The following RAB28 variants were observed in gnomAD, a reference collection of about 807,000 sequenced individuals.
RAB28 encodes the protein RAB28, member RAS oncogene family, also known as ras-related protein Rab-28.
Under a neutral mutation model 31.7 loss-of-function variants are expected in RAB28, and 24 were observed. The observed-to-expected ratio is 0.76, with a 90% CI of 0.55 to 1.06. The LOEUF is 1.06. Among genes scored for constraint, RAB28 ranks in the 50% least tolerant of loss-of-function variants. RAB28 has a pLI of 0.00. For missense variants in RAB28, 254 were observed against 258.5 expected (o/e 0.98, Z 0.12); for synonymous variants, 100 against 90.4 (o/e 1.11, Z -0.60).
At chr4:13,427,243 C>T (rs1445981285) in intron 4 of RAB28, among the ~76,000 whole-genome samples, 3 of 152,196 alleles carry the variant, frequency 2.0e-5, no homozygotes, top group East Asian at 1.9e-4. Context: ...TATTTGAAGA[C>T]TTAAGGGCCT....
chr4:13,373,367 G>A (rs1728788929), intron 6 of RAB28, among the ~76,000 whole-genome samples: 1 of 152,168 alleles, frequency 6.6e-6, no homozygotes, highest in African/African-American at 2.4e-5. Flanking sequence ...TGGTAGTGGA[G>A]AAGGGGAAGA....
intron 4 of RAB28, among the ~76,000 whole-genome samples, chr4:13,383,840 T>C (rs925913195): frequency 5.8e-4 from 89 of 152,296 alleles, no homozygotes; most frequent in African/African-American, 2.0e-3. Flanking sequence ...AGGGGAACTG[T>C]CAGACCTGAA....
chr4:13,422,992 A>G (rs1166598177), intron 4 of RAB28, among the ~76,000 whole-genome samples: 1 of 152,200 alleles, frequency 6.6e-6, no homozygotes, highest in Non-Finnish European at 1.5e-5. Context: ...AAAAAAAATT[A>G]AACTCTAAGT....
At chr4:13,446,159 T>A (rs888371340) in intron 4 of RAB28, among the ~76,000 whole-genome samples, 1 of 152,152 alleles carries the variant, frequency 6.6e-6, no homozygotes, top group African/African-American at 2.4e-5. Flanking sequence ...CGAGTCTCCT[T>A]AGCACCGTCG....
chr4:13,481,945 C>T (rs894772579), intron 1 of RAB28, among the ~76,000 whole-genome samples: 3 of 151,914 alleles, frequency 2.0e-5, no homozygotes, highest in Non-Finnish European at 4.4e-5. Flanking sequence ...TTGGTGGCTG[C>T]CAAGTATTTG....
At position 13,420,093 on chromosome 4, in the gene RAB28, G is replaced by T. The variant is rs151190114; in HGVS notation, c.392-38499C>A. On this transcript the variant is annotated intron_variant, in intron 4 of 6. Coordinates refer to ENST00000330852, the MANE Select transcript of RAB28 (RefSeq NM_001017979.3). ...AGGGGATATCACCACAGATCCCACA[G>T]AAATATAAACTACCATCGGAGAATA... Among the ~76,000 whole-genome samples, 21 of 152,282 alleles carry T rather than the reference G, an allele frequency of 1.4e-4. No homozygotes were observed. The East Asian group carries it at 4.1e-3, about 29-fold the overall frequency.
At chr4:13,416,677 T>C (rs974485428) in intron 4 of RAB28, among the ~76,000 whole-genome samples, 2 of 152,204 alleles carry the variant, frequency 1.3e-5, no homozygotes, top group African/African-American at 4.8e-5. Flanking sequence ...CTTTCTGAAG[T>C]AATGGTAATA....
At chr4:13,460,584 T>C (rs1188633311) in intron 4 of RAB28, 115 bp downstream of exon 4, 1 of 1,325,288 alleles carries the variant, frequency 7.5e-7, no homozygotes, top group Admixed American at 1.9e-5. Context: ...CCAGACACCA[T>C]CATTTTGGGG....
At chr4:13,433,496 G>C (rs1434326645) in intron 4 of RAB28, among the ~76,000 whole-genome samples, 2 of 152,128 alleles carry the variant, frequency 1.3e-5, no homozygotes, top group Admixed American at 1.3e-4. Flanking sequence ...CTAAAAAGTA[G>C]GCAAAGCACA....
intron 3 of RAB28, among the ~76,000 whole-genome samples, chr4:13,461,840 C>G (rs1353347597): frequency 6.6e-6 from 1 of 152,136 alleles, no homozygotes; most frequent in Non-Finnish European, 1.5e-5. Flanking sequence ...TAGTAATCAA[C>G]TACTTTTGTG....
intron 4 of RAB28, among the ~76,000 whole-genome samples, chr4:13,444,122 G>T (rs1315451853): frequency 6.6e-6 from 1 of 151,666 alleles, no homozygotes; most frequent in Non-Finnish European, 1.5e-5. Flanking sequence ...CCGCCTCCCG[G>T]GTTCACGCCA....
At chr4:13,370,766 C>G in intron 6 of RAB28, 1 of 984,490 alleles carries the variant, frequency 1.0e-6, no homozygotes, top group Non-Finnish European at 1.2e-6. Flanking sequence ...AATGCAGTTG[C>G]AGGTCATGTA....
At chr4:13,393,180 A>C (rs926750660) in intron 4 of RAB28, among the ~76,000 whole-genome samples, 2 of 152,248 alleles carry the variant, frequency 1.3e-5, no homozygotes, top group Non-Finnish European at 2.9e-5. Context: ...GTACAGAGAC[A>C]GGAAACTTCT....
At chr4:13,415,106 C>T (rs1302921369) in intron 4 of RAB28, among the ~76,000 whole-genome samples, 4 of 152,176 alleles carry the variant, frequency 2.6e-5, no homozygotes, top group Non-Finnish European at 5.9e-5. Context: ...GAAGAAGAAT[C>T]ATCATTAATT....
rs541621588 is a variant in RAB28 at position 13,444,018 on chromosome 4, CT to C, written c.391+16680del. The stretch of plus-strand genomic sequence containing the variant: ...ATGTTGTCAAAAATGACAGGATTTC[CT>C]TTTTTTTTTTTTTTCTTTTTTTTAT... On this transcript the variant is annotated intron_variant, in intron 4 of 6. Coordinates refer to ENST00000330852, the MANE Select transcript of RAB28 (RefSeq NM_001017979.3). Among the ~76,000 whole-genome samples the C allele has an allele frequency of 4.7e-3, 661 of 140,822 alleles. 2 individuals are homozygous for C. Among genetic ancestry groups the C allele is most frequent in the African/African-American group, 0.011 (435 of 38,876 alleles). The allele number at this position is 140,822 out of a possible 152,430, so 92.4% of individuals were successfully genotyped here.
intron 4 of RAB28, among the ~76,000 whole-genome samples, chr4:13,390,027 T>C (rs1729555429): frequency 6.6e-6 from 1 of 152,224 alleles, no homozygotes; most frequent in African/African-American, 2.4e-5. Context: ...TCACCAGTCC[T>C]ATTCAACATA....
intron 4 of RAB28, among the ~76,000 whole-genome samples, chr4:13,447,462 T>C (rs1361965091): frequency 6.6e-6 from 1 of 152,048 alleles, no homozygotes; most frequent in Non-Finnish European, 1.5e-5. Flanking sequence ...TAAATTTCTG[T>C]TATAAAAAAA....
intron 2 of RAB28, among the ~76,000 whole-genome samples, chr4:13,476,942 AG>A (rs1050496546): frequency 6.1e-4 from 93 of 151,610 alleles, no homozygotes; most frequent in African/African-American, 2.0e-3. Context: ...AGCCACCAAG[AG>A]GGTTCAACAG....
In RAB28 at chr4:13,368,442, G is replaced by A. The variant is rs746450293; in HGVS notation, c.*116C>T. On this transcript the variant is annotated 3_prime_UTR_variant, in exon 7 of 7. Transcript: ENST00000330852. ...ATAGCAATGATGAAGCAAGTTGGGA[G>A]TAAAGTGTTAACTGAACTACAGAGA... The A allele has an allele frequency of 2.4e-4, 314 of 1,321,930 alleles. No individual in the cohort carries two copies. Among genetic ancestry groups the A allele is most frequent in the Non-Finnish European group, 2.9e-4 (299 of 1,032,378 alleles). The allele number at this position is 1,321,930 out of a possible 1,614,324, so 81.9% of individuals were successfully genotyped here.
Sources: allele counts gnomAD v4.1 joint callset (sites outside exome capture counted in the v4.1 genomes callset), GRCh38; gene constraint gnomAD v4.1.1; transcripts MANE v1.5; gene names NCBI Gene and HGNC (gene_info 2026-07-23, HGNC 2026-07-21).